EYS: variants seen among roughly 807,000 people sequenced by gnomAD.
EYS encodes the protein protein eyes shut homolog.
Under a neutral mutation model 282.1 loss-of-function variants are expected in EYS, and 250 were observed. The observed-to-expected ratio is 0.89, with a 90% CI of 0.80 to 0.98. EYS has a LOEUF of 0.98. Among genes scored for constraint, EYS ranks in the 50% least tolerant of loss-of-function variants. EYS has a pLI of 0.00. For synonymous variants in EYS, 1,355 were observed against 1,282.9 expected, an observed-to-expected ratio of 1.06 and a Z score of -1.20; for missense variants, 4,016 against 3,709.0, an observed-to-expected ratio of 1.08 and a Z score of -2.15.
intron 26 of EYS, among the ~76,000 whole-genome samples, chr6:64,507,383 C>T (rs1248283519): frequency 6.6e-6 from 1 of 152,060 alleles, no homozygotes; most frequent in East Asian, 1.9e-4. Context: ...GTTATATAAT[C>T]AGGGTGAAGC....
intron 30 of EYS, among the ~76,000 whole-genome samples, chr6:64,235,933 C>A (rs201415605): frequency 4.6e-5 from 7 of 152,252 alleles, no homozygotes; most frequent in East Asian, 1.9e-4. Flanking sequence ...AAACTATTCC[C>A]ATCAATAGGA....
intron 33 of EYS, among the ~76,000 whole-genome samples, chr6:64,066,065 C>A (rs1363207960): frequency 6.6e-6 from 1 of 152,036 alleles, no homozygotes; most frequent in African/African-American, 2.4e-5. Context: ...AGTTTGAGAC[C>A]AGCCTGGCCG....
At position 65,110,972 on chromosome 6, in the gene EYS, T is replaced by C. The variant is rs564208447; in HGVS notation, c.2024-53245A>G. Among the ~76,000 whole-genome samples, 413 of 152,210 alleles carry C rather than the reference T, an allele frequency of 2.7e-3. 1 individual carries two copies. Among genetic ancestry groups the C allele is most frequent in the Non-Finnish European group, 3.4e-3 (228 of 67,998 alleles). ...TGCTTCTGAAGAGTGATTATAAGGA[T>C]CTGAACTGCCTCAATGATAACAGGT... On this transcript the variant is annotated intron_variant, in intron 12 of 42. Transcript: ENST00000503581.
Position 64,205,844 on chromosome 6 carries a change from C to CACACAT in EYS, c.6424+24747_6424+24748insATGTGT, listed in dbSNP as rs778777050. Among the ~76,000 whole-genome samples the CACACAT allele has an allele frequency of 3.4e-3, 469 of 138,434 alleles. 3 individuals carry two copies. Among genetic ancestry groups the CACACAT allele is most frequent in the African/African-American group, 0.012 (435 of 37,572 alleles). The allele number at this position is 138,434 out of a possible 152,430, so 90.8% of individuals were successfully genotyped here. A position where few individuals can be genotyped will look rare whatever the true frequency, so the allele number is the denominator to read the frequency against. The stretch of plus-strand genomic sequence containing the variant: ...ACACACACACACACACACACACACA[C>CACACAT]ATATATATATATAGAGAGAGAGAGA... On this transcript the variant is annotated intron_variant, in intron 31 of 42. Transcript: ENST00000503581.
chr6:65,278,761 C>T (rs1768134848), intron 12 of EYS, among the ~76,000 whole-genome samples: 1 of 152,142 alleles, frequency 6.6e-6, no homozygotes, highest in African/African-American at 2.4e-5. Flanking sequence ...GATTGTACAA[C>T]AGTTCTGTGA....
chr6:65,566,525 C>T (rs528901027), intron 2 of EYS, among the ~76,000 whole-genome samples: 3 of 152,268 alleles, frequency 2.0e-5, no homozygotes, highest in African/African-American at 7.2e-5. Flanking sequence ...ACTCTCATTT[C>T]TGCCTTAAAT....
intron 30 of EYS, among the ~76,000 whole-genome samples, chr6:64,304,443 G>A (rs908623544): frequency 6.6e-6 from 1 of 152,188 alleles, no homozygotes; most frequent in Admixed American, 6.5e-5. Context: ...AGATCTAACA[G>A]ACATACACAG....
At chr6:64,067,900 T>C (rs1771434217) in intron 32 of EYS, among the ~76,000 whole-genome samples, 1 of 152,174 alleles carries the variant, frequency 6.6e-6, no homozygotes, top group African/African-American at 2.4e-5. Context: ...CTGTTTCTAG[T>C]GTAGATAGAC....
chr6:64,047,847 G>A (rs1319596639), intron 33 of EYS, among the ~76,000 whole-genome samples: 2 of 152,102 alleles, frequency 1.3e-5, no homozygotes, highest in Non-Finnish European at 2.9e-5. Context: ...CCAAGGGGTG[G>A]GCTGCAGCAG....
At chr6:64,738,964 C>G (rs895178863) in intron 22 of EYS, among the ~76,000 whole-genome samples, 4 of 152,148 alleles carry the variant, frequency 2.6e-5, no homozygotes, top group Non-Finnish European at 5.9e-5. Flanking sequence ...GCCAGGCTGG[C>G]CTCAAACCCC....
In EYS at chr6:63,808,282, T is replaced by C. The variant is rs1345963114; in HGVS notation, c.7229-1910A>G. On this transcript the variant is annotated intron_variant, in intron 36 of 42. Transcript: ENST00000503581. The stretch of plus-strand genomic sequence containing the variant: ...CAGCATGTCATACTCAGGGAACTTA[T>C]GAAGTCTGCAAATTTTAGAATGAAG... Among the ~76,000 whole-genome samples, 9 of 152,176 alleles carry C rather than the reference T, an allele frequency of 5.9e-5. No individual in the cohort carries two copies. In the South Asian group the frequency reaches 6.2e-4, roughly 11 times the overall value.
chr6:65,264,188 A>C (rs1175105937), intron 12 of EYS, among the ~76,000 whole-genome samples: 1 of 152,106 alleles, frequency 6.6e-6, no homozygotes, highest in Non-Finnish European at 1.5e-5. Context: ...GCACTTTTTG[A>C]ACCAATTTAA....
intron 35 of EYS, among the ~76,000 whole-genome samples, chr6:63,977,066 G>T (rs527820707): frequency 1.3e-5 from 2 of 151,126 alleles, no homozygotes; most frequent in Non-Finnish European, 2.9e-5. Flanking sequence ...GCCTCCTATT[G>T]TACTATAGTT....
chr6:64,760,192 C>G (rs1260959640), intron 22 of EYS, among the ~76,000 whole-genome samples: 3 of 152,162 alleles, frequency 2.0e-5, no homozygotes, highest in Admixed American at 1.3e-4. Flanking sequence ...ATCTTTCCCC[C>G]ATCAGCATCT....
chr6:63,817,563 A>G (rs940161931), intron 36 of EYS, among the ~76,000 whole-genome samples: 1 of 152,164 alleles, frequency 6.6e-6, no homozygotes, highest in Non-Finnish European at 1.5e-5. Context: ...GTCTCCTGAC[A>G]GGACCTTGCC....
At chr6:64,331,982 T>G (rs1222736146) in intron 29 of EYS, among the ~76,000 whole-genome samples, 1 of 152,214 alleles carries the variant, frequency 6.6e-6, no homozygotes, top group Non-Finnish European at 1.5e-5. Flanking sequence ...TGACTGACTC[T>G]AACATTAGGA....
chr6:65,176,525 A>C (rs967271386), intron 12 of EYS, among the ~76,000 whole-genome samples: 1 of 151,668 alleles, frequency 6.6e-6, no homozygotes, highest in Non-Finnish European at 1.5e-5. Context: ...ATAGTAAACT[A>C]TATTGAAATA....
At chr6:64,016,208 C>A (rs1347418868) in intron 33 of EYS, among the ~76,000 whole-genome samples, 9 of 152,116 alleles carry the variant, frequency 5.9e-5, no homozygotes, top group Non-Finnish European at 1.3e-4. Context: ...TTCTTATAAT[C>A]AAATACTGTA....
At chr6:65,357,353 G>T (rs1341810114) in intron 8 of EYS, among the ~76,000 whole-genome samples, 1 of 151,840 alleles carries the variant, frequency 6.6e-6, no homozygotes, top group African/African-American at 2.4e-5. Flanking sequence ...CCTGGCCTTT[G>T]CTCTCTTAAT....
Sources: gnomAD v4.1 joint callset for allele counts (sites outside exome capture counted in the v4.1 genomes callset) on GRCh38, gnomAD v4.1.1 for gene constraint, MANE v1.5 for transcripts, NCBI Gene and HGNC (gene_info 2026-07-23, HGNC 2026-07-21) for gene names.